Variants in FBXL17 observed in about 807,000 individuals in gnomAD.
FBXL17 encodes F-box and leucine rich repeat protein 17, also known as F-box/LRR-repeat protein 17.
FBXL17 carries 22 observed loss-of-function variants against 66.2 expected under a neutral mutation model. The ratio of observed to expected loss-of-function variants is 0.33; its 90% CI spans 0.24 to 0.47. The LOEUF is 0.47. Ranked by LOEUF, FBXL17 falls within the 20% of genes least tolerant of loss-of-function variation. The pLI is 1.00. For missense variants in FBXL17, 878 were observed against 948.2 expected (o/e 0.93, Z 0.97); for synonymous variants, 474 against 400.5 (o/e 1.18, Z -2.19).
At chr5:108,360,049 A>T (rs1379140793) in intron 3 of FBXL17, among the ~76,000 whole-genome samples, 4 of 152,112 alleles carry the variant, frequency 2.6e-5, no homozygotes, top group Non-Finnish European at 5.9e-5. Context: ...ATATATAATA[A>T]TTCTGTCTCT....
At chr5:108,062,953 G>A (rs951089228) in intron 6 of FBXL17, among the ~76,000 whole-genome samples, 3 of 152,058 alleles carry the variant, frequency 2.0e-5, no homozygotes, top group African/African-American at 7.2e-5. Flanking sequence ...ATAATACTAT[G>A]AGTATTAGTG....
At chr5:108,155,000 C>G (rs1751939482) in intron 6 of FBXL17, among the ~76,000 whole-genome samples, 1 of 152,040 alleles carries the variant, frequency 6.6e-6, no homozygotes. Context: ...TTGCCACTTT[C>G]CTCTAACTAC....
chr5:108,206,783 T>C (rs1226553522), intron 5 of FBXL17, among the ~76,000 whole-genome samples: 1 of 152,204 alleles, frequency 6.6e-6, no homozygotes, highest in African/African-American at 2.4e-5. Context: ...GACAGACATT[T>C]GGGTGGTTTT....
intron 7 of FBXL17, among the ~76,000 whole-genome samples, chr5:107,928,353 A>G (rs1331058004): frequency 1.3e-5 from 2 of 152,022 alleles, no homozygotes; most frequent in Admixed American, 1.3e-4. Flanking sequence ...TATTCTTTTA[A>G]ACCTTTATTT....
intron 7 of FBXL17, among the ~76,000 whole-genome samples, chr5:107,981,368 G>A (rs1752821813): frequency 6.6e-6 from 1 of 152,202 alleles, no homozygotes; most frequent in South Asian, 2.1e-4. Flanking sequence ...TGCTGGTCAC[G>A]GATATGCCTA....
At chr5:108,360,474 T>C (rs1428312145) in intron 3 of FBXL17, among the ~76,000 whole-genome samples, 2 of 152,032 alleles carry the variant, frequency 1.3e-5, no homozygotes, top group Non-Finnish European at 1.5e-5. Context: ...TATTGAGGAG[T>C]GCTTGTATGT....
chr5:107,877,272 T>A (rs536662969), intron 8 of FBXL17, among the ~76,000 whole-genome samples: 2 of 152,328 alleles, frequency 1.3e-5, no homozygotes, highest in Admixed American at 1.3e-4. Context: ...ATCACCAATG[T>A]TGCAGCCAAA....
At chr5:107,929,079 G>C (rs1335501534) in intron 7 of FBXL17, among the ~76,000 whole-genome samples, 1 of 152,138 alleles carries the variant, frequency 6.6e-6, no homozygotes, top group African/African-American at 2.4e-5. Flanking sequence ...AATGAAAGGT[G>C]AAATCTCTCT....
intron 7 of FBXL17, among the ~76,000 whole-genome samples, chr5:107,918,045 C>A (rs957831832): frequency 1.1e-4 from 16 of 152,182 alleles, no homozygotes; most frequent in Non-Finnish European, 2.1e-4. Context: ...CTCCTTCTAC[C>A]TTCCACATTT....
intron 4 of FBXL17, among the ~76,000 whole-genome samples, chr5:108,313,755 G>A (rs577089211): frequency 7.2e-5 from 11 of 152,002 alleles, no homozygotes; most frequent in African/African-American, 2.6e-4. Context: ...ATGAAAGAAG[G>A]AAAATATCTG....
At chr5:108,290,121 G>A (rs1338779211) in intron 4 of FBXL17, among the ~76,000 whole-genome samples, 3 of 152,144 alleles carry the variant, frequency 2.0e-5, no homozygotes, top group African/African-American at 7.2e-5. Context: ...CTGAAGCTGG[G>A]TGTATCTGGC....
intron 6 of FBXL17, among the ~76,000 whole-genome samples, chr5:108,098,471 T>A (rs927406735): frequency 6.6e-6 from 1 of 152,018 alleles, no homozygotes; most frequent in Non-Finnish European, 1.5e-5. Context: ...TCATGCCGGG[T>A]GCAGTGGCTC....
chr5:107,940,174 T>C (rs1232142774), intron 7 of FBXL17, among the ~76,000 whole-genome samples: 1 of 152,150 alleles, frequency 6.6e-6, no homozygotes, highest in African/African-American at 2.4e-5. Context: ...GAGTTGTCAT[T>C]TGAACCCAGG....
At chr5:108,296,349 T>G (rs570163908) in intron 4 of FBXL17, among the ~76,000 whole-genome samples, 1 of 152,026 alleles carries the variant, frequency 6.6e-6, no homozygotes, top group Non-Finnish European at 1.5e-5. Flanking sequence ...CATTTTCATA[T>G]AAAAAATCAG....
At chr5:108,084,372 G>C (rs942421192) in intron 6 of FBXL17, among the ~76,000 whole-genome samples, 7 of 152,140 alleles carry the variant, frequency 4.6e-5, no homozygotes, top group South Asian at 2.1e-4. Context: ...TCTACCAATC[G>C]GTTTGCTCTG....
intron 4 of FBXL17, among the ~76,000 whole-genome samples, chr5:108,268,226 C>T (rs1240201569): frequency 1.3e-5 from 2 of 151,942 alleles, no homozygotes; most frequent in African/African-American, 4.8e-5. Context: ...GTAAGTGACA[C>T]TTCTATTTTC....
At chr5:107,952,682 G>A (rs991419307) in intron 7 of FBXL17, among the ~76,000 whole-genome samples, 1 of 152,196 alleles carries the variant, frequency 6.6e-6, no homozygotes, top group Non-Finnish European at 1.5e-5. Context: ...TAGACCTGGA[G>A]TAAGTAATCA....
At chr5:108,034,932 T>C (rs1393714539) in intron 6 of FBXL17, among the ~76,000 whole-genome samples, 4 of 152,214 alleles carry the variant, frequency 2.6e-5, no homozygotes, top group Non-Finnish European at 4.4e-5. Context: ...TTATCTTCTC[T>C]CATTGTTCTT....
intron 8 of FBXL17, 31 bp from the exon 9 acceptor site, chr5:107,861,891 C>A: frequency 6.8e-7 from 1 of 1,464,002 alleles, no homozygotes; most frequent in Non-Finnish European, 9.1e-7. Flanking sequence ...CCATCACGCA[C>A]AGAGACCACC....
Sources: allele counts gnomAD v4.1 joint callset (sites outside exome capture counted in the v4.1 genomes callset), GRCh38; gene constraint gnomAD v4.1.1; transcripts MANE v1.5; gene names NCBI Gene and HGNC (gene_info 2026-07-23, HGNC 2026-07-21).